INPP4B: variants seen among roughly 807,000 people sequenced by gnomAD.
INPP4B encodes inositol polyphosphate-4-phosphatase type II B.
Under a neutral mutation model 122.5 loss-of-function variants are expected in INPP4B, and 55 were observed. That is an observed-to-expected ratio of 0.45 (90% CI 0.36 to 0.56). INPP4B has a LOEUF of 0.56. INPP4B is among the 20% of genes least tolerant of loss of function. The pLI, the probability that INPP4B is intolerant of heterozygous loss-of-function variation, is 0.00. For missense variants in INPP4B, 1,000 were observed against 1,097.7 expected, an observed-to-expected ratio of 0.91 and a Z score of 1.26; for synonymous variants, 403 against 388.7, an observed-to-expected ratio of 1.04 and a Z score of -0.43.
At chr4:142,364,718 A>T (rs902644777) in intron 7 of INPP4B, among the ~76,000 whole-genome samples, 1 of 152,094 alleles carries the variant, frequency 6.6e-6, no homozygotes, top group African/African-American at 2.4e-5. Context: ...AGAGGCACAC[A>T]ATCCATGTGT....
In INPP4B at chr4:142,580,276, A is replaced by C. The variant is rs1472250930; in HGVS notation, c.-190-117550T>G. On this transcript the variant is annotated intron_variant, in intron 2 of 25. Coordinates refer to ENST00000262992, the MANE Select transcript of INPP4B (RefSeq NM_001101669.3). Reference sequence around the variant, plus strand: ...GATTCAATTTTCTAACTTCAAAAGCAGCAAAGGGTTATTGCATTTGTAGAT... The same window carrying C: ...GATTCAATTTTCTAACTTCAAAAGCCGCAAAGGGTTATTGCATTTGTAGAT... 2.0e-5 allele frequency among the ~76,000 whole-genome samples: 3 copies of C among 151,912 alleles called. No individual in the cohort carries two copies. In the East Asian group the frequency reaches 5.8e-4, roughly 29 times the overall value.
At chr4:142,646,829 G>T (rs1169665538) in intron 2 of INPP4B, among the ~76,000 whole-genome samples, 3 of 152,162 alleles carry the variant, frequency 2.0e-5, no homozygotes, top group African/African-American at 7.2e-5. Context: ...TAAGGAGCAA[G>T]GGTGCTCTTG....
At chr4:142,818,253 G>C (rs1021825679) in intron 1 of INPP4B, among the ~76,000 whole-genome samples, 1 of 152,134 alleles carries the variant, frequency 6.6e-6, no homozygotes. Flanking sequence ...TTTCCTCTCT[G>C]ATATCATTTA....
At chr4:142,733,417 T>G (rs1440486330) in intron 1 of INPP4B, among the ~76,000 whole-genome samples, 1 of 152,068 alleles carries the variant, frequency 6.6e-6, no homozygotes, top group Non-Finnish European at 1.5e-5. Flanking sequence ...ACAATAAACT[T>G]TCATAAATCA....
At chr4:142,081,505 CATG>C (rs1356231094) in intron 25 of INPP4B, among the ~76,000 whole-genome samples, 1 of 152,078 alleles carries the variant, frequency 6.6e-6, no homozygotes, top group Non-Finnish European at 1.5e-5. Context: ...ATCCCATCTT[CATG>C]ATGAGTGATG....
chr4:142,717,751 A>G (rs1197983316), intron 2 of INPP4B, among the ~76,000 whole-genome samples: 1 of 151,468 alleles, frequency 6.6e-6, no homozygotes, highest in African/African-American at 2.4e-5. Context: ...GGGGTGGGGA[A>G]TTGGGGGAGG....
chr4:142,401,863 G>A (rs1412682900), intron 7 of INPP4B, among the ~76,000 whole-genome samples: 3 of 152,116 alleles, frequency 2.0e-5, no homozygotes, highest in Admixed American at 6.6e-5. Context: ...ATTTACTTGA[G>A]TCTTTGTTCT....
At chr4:142,118,722 A>T (rs1186103117) in intron 21 of INPP4B, among the ~76,000 whole-genome samples, 1 of 152,170 alleles carries the variant, frequency 6.6e-6, no homozygotes, top group Non-Finnish European at 1.5e-5. Flanking sequence ...ACCATTCAGG[A>T]CATAGGCATG....
intron 1 of INPP4B, among the ~76,000 whole-genome samples, chr4:142,818,319 C>A (rs1780371715): frequency 6.6e-6 from 1 of 152,132 alleles, no homozygotes; most frequent in Non-Finnish European, 1.5e-5. Context: ...TTCCCAGAAA[C>A]AACACCAGGG....
chr4:142,331,206 C>T (rs189012215), intron 7 of INPP4B, among the ~76,000 whole-genome samples: 1 of 152,270 alleles, frequency 6.6e-6, no homozygotes, highest in East Asian at 1.9e-4. Context: ...AGCTACCATT[C>T]ATAGTGCAAG....
intron 25 of INPP4B, among the ~76,000 whole-genome samples, chr4:142,065,126 G>A (rs1275477153): frequency 1.3e-5 from 2 of 151,934 alleles, no homozygotes; most frequent in African/African-American, 2.4e-5. Context: ...AAGAATTTAA[G>A]GCAGTTTACA....
In INPP4B at chr4:142,333,033, A is replaced by G. The variant is rs545986768; in HGVS notation, c.373-18271T>C. 4.1e-3 allele frequency among the ~76,000 whole-genome samples: 614 copies of G among 151,300 alleles called. 4 individuals are homozygous for G. The highest frequency in any genetic ancestry group is 7.2e-3 in the Non-Finnish European group (488 of 67,712). ...CTCAAAAAAAAAAAAAAAAACAAAA[A>G]AAAAACCTTCTAAAACCGCAGACAT... On this transcript the variant is annotated intron_variant, in intron 7 of 25. Coordinates refer to ENST00000262992, the MANE Select transcript of INPP4B (RefSeq NM_001101669.3).
intron 7 of INPP4B, among the ~76,000 whole-genome samples, chr4:142,380,906 C>T (rs1483411866): frequency 6.6e-6 from 1 of 152,018 alleles, no homozygotes; most frequent in East Asian, 1.9e-4. Flanking sequence ...TGTGGTTCTT[C>T]GAAGTCTGCT....
intron 1 of INPP4B, among the ~76,000 whole-genome samples, chr4:142,756,048 C>T (rs1770469733): frequency 6.6e-6 from 1 of 152,138 alleles, no homozygotes; most frequent in African/African-American, 2.4e-5. Flanking sequence ...CATAATTTGT[C>T]CAGATCCTCT....
At chr4:142,560,690 C>T (rs60257926) in intron 2 of INPP4B, 55,808 of 152,048 alleles carry the variant, frequency 0.37, 11,273 homozygotes, top group East Asian at 0.8. Context: ...AAAGATGAAG[C>T]TCAGAAGACT....
At position 142,623,239 on chromosome 4, in the gene INPP4B, T is replaced by C. The variant is rs895886609; in HGVS notation, c.-191+102600A>G. Among the ~76,000 whole-genome samples the C allele has an allele frequency of 7.2e-5, 11 of 151,928 alleles. 1 individual carries two copies. Among genetic ancestry groups the C allele is most frequent in the African/African-American group, 2.7e-4 (11 of 41,412 alleles). ...CCTGCTTCAATTCAGTCTGACACCG[T>C]CCATTTCTAGGACTACTGGAATCTC... On this transcript the variant is annotated intron_variant, in intron 2 of 25. Coordinates refer to ENST00000262992, the MANE Select transcript of INPP4B (RefSeq NM_001101669.3).
intron 7 of INPP4B, among the ~76,000 whole-genome samples, chr4:142,369,366 T>G (rs1242796022): frequency 6.6e-6 from 1 of 151,802 alleles, no homozygotes; most frequent in Non-Finnish European, 1.5e-5. Flanking sequence ...GGAGGAATGC[T>G]TGAGCCAAGG....
rs376069937 is a variant in INPP4B, at chr4:142,452,637, C to G, written c.-127+10026G>C. Among the ~76,000 whole-genome samples, 13 of 152,246 alleles carry G rather than the reference C, an allele frequency of 8.5e-5. No homozygotes were observed. In the East Asian group the frequency reaches 9.7e-4, roughly 11 times the overall value. On this transcript the variant is annotated intron_variant, in intron 3 of 25. Coordinates refer to ENST00000262992, the MANE Select transcript of INPP4B (RefSeq NM_001101669.3). ...AGAGTTTTTCATGTATCCAGCTGAC[C>G]AGTGGCCACACGGGGATTAAAGAGG...
chr4:142,431,194 A>G lies in INPP4B; in HGVS notation c.66T>C (p.Asn22=), dbSNP rs776808547. 4.3e-6 allele frequency: 7 copies of G among 1,613,270 alleles called. No homozygotes were observed. The change falls in exon 4 of 26, where the codon AAT becomes AAC. Residue 22 remains asparagine, a synonymous_variant. Coordinates refer to ENST00000262992, the MANE Select transcript of INPP4B (RefSeq NM_001101669.3). ...GQHFLPTAQA[N]DPGDCQFTSI... Reference sequence around the variant, plus strand: ...TTGTGAACTGACAGTCCCCGGGATCATTGGCCTGGGCTGTAGGAAGAAAGT... The same window carrying G: ...TTGTGAACTGACAGTCCCCGGGATCGTTGGCCTGGGCTGTAGGAAGAAAGT...
Sources: gnomAD v4.1 joint callset for allele counts (sites outside exome capture counted in the v4.1 genomes callset) on GRCh38, gnomAD v4.1.1 for gene constraint, MANE v1.5 for transcripts, NCBI Gene and HGNC (gene_info 2026-07-23, HGNC 2026-07-21) for gene names.